HEMK2: variants seen among roughly 807,000 people sequenced by gnomAD.
The protein encoded by HEMK2 is HemK methyltransferase 2, ETF1 glutamine and histone H4 lysine, also known as methyltransferase HEMK2.
the HEMK2 span, among the ~76,000 whole-genome samples, chr21:28,795,366 C>A: frequency 1.3e-5 from 2 of 152,156 alleles, no homozygotes; most frequent in African/African-American, 4.8e-5. Flanking sequence ...TACTTCCTGG[C>A]TGATGCCAAA....
At chr21:28,703,478 T>C in the HEMK2 span, among the ~76,000 whole-genome samples, 1 of 152,164 alleles carries the variant, frequency 6.6e-6, no homozygotes, top group African/African-American at 2.4e-5. Flanking sequence ...GGCACCACAT[T>C]GGAAGTCTTG....
At chr21:28,615,981 T>C in the HEMK2 span, among the ~76,000 whole-genome samples, 3 of 152,124 alleles carry the variant, frequency 2.0e-5, no homozygotes, top group Non-Finnish European at 4.4e-5. Context: ...AAAATAATCA[T>C]AACTAATATT....
At chr21:28,717,157 C>T in the HEMK2 span, among the ~76,000 whole-genome samples, 1 of 152,084 alleles carries the variant, frequency 6.6e-6, no homozygotes, top group Admixed American at 6.5e-5. Flanking sequence ...GTCCCTCCTC[C>T]TTGATTTTTT....
the HEMK2 span, among the ~76,000 whole-genome samples, chr21:28,714,292 G>A: frequency 6.6e-6 from 1 of 151,994 alleles, no homozygotes; most frequent in African/African-American, 2.4e-5. Context: ...TGTCATTCTA[G>A]ATATATTATT....
chr21:28,771,193 T>C, the HEMK2 span, among the ~76,000 whole-genome samples: 1 of 152,198 alleles, frequency 6.6e-6, no homozygotes, highest in Non-Finnish European at 1.5e-5. Context: ...AAGGTTTGAA[T>C]CCCAGTTTGA....
chr21:28,807,304 G>A, the HEMK2 span, among the ~76,000 whole-genome samples: 2 of 152,068 alleles, frequency 1.3e-5, no homozygotes, highest in South Asian at 2.1e-4. Context: ...AGAAAAACCC[G>A]GGAGTCATCC....
At chr21:28,863,283 C>A in the HEMK2 span, among the ~76,000 whole-genome samples, 2 of 151,312 alleles carry the variant, frequency 1.3e-5, no homozygotes, top group African/African-American at 4.9e-5. Context: ...ATGCTTCCTG[C>A]CCGTGAACGC....
the HEMK2 span, among the ~76,000 whole-genome samples, chr21:28,840,875 T>C: frequency 6.7e-6 from 1 of 148,570 alleles, no homozygotes. Context: ...AAGAAGTCAT[T>C]ATTCAAAAAA....
the HEMK2 span, among the ~76,000 whole-genome samples, chr21:28,613,426 A>C: frequency 3.3e-5 from 5 of 151,992 alleles, no homozygotes; most frequent in Non-Finnish European, 7.4e-5. Flanking sequence ...GAAACTTTTC[A>C]AAGTTCAAAG....
chr21:28,838,981 A>G, the HEMK2 span, among the ~76,000 whole-genome samples: 2 of 53,472 alleles, frequency 3.7e-5, no homozygotes, highest in Admixed American at 4.3e-4. Flanking sequence ...AAATATATAT[A>G]TATATATATA....
the HEMK2 span, among the ~76,000 whole-genome samples, chr21:28,770,814 G>T: frequency 2.0e-5 from 3 of 151,970 alleles, no homozygotes; most frequent in Non-Finnish European, 2.9e-5. Context: ...TAAATTGCTT[G>T]GTCTGTGGTA....
At chr21:28,625,852 C>T in the HEMK2 span, among the ~76,000 whole-genome samples, 21 of 151,908 alleles carry the variant, frequency 1.4e-4, no homozygotes, top group African/African-American at 4.8e-4. Flanking sequence ...ATGAAGATCA[C>T]CAGAAATGTA....
the HEMK2 span, among the ~76,000 whole-genome samples, chr21:28,845,793 TCTTTA>T: frequency 2.0e-5 from 3 of 152,154 alleles, no homozygotes. Context: ...CTCTTTTTTT[TCTTTA>T]AAGTTTTTAT....
At chr21:28,624,520 G>A in the HEMK2 span, among the ~76,000 whole-genome samples, 2 of 152,334 alleles carry the variant, frequency 1.3e-5, no homozygotes, top group Non-Finnish European at 2.9e-5. Flanking sequence ...TCAGAAGAGG[G>A]TGGCAGCAGT....
the HEMK2 span, among the ~76,000 whole-genome samples, chr21:28,782,711 G>C: frequency 6.6e-6 from 1 of 152,204 alleles, no homozygotes. Flanking sequence ...TTGCTAATGA[G>C]TATGGGGTTT....
At chr21:28,850,217 CTTTTTTTTTTTTT>C in the HEMK2 span, among the ~76,000 whole-genome samples, 2 of 94,430 alleles carry the variant, frequency 2.1e-5, no homozygotes, top group Admixed American at 1.4e-4. Flanking sequence ...ATTCAGCATT[CTTTTTTTTTTTTT>C]TTTTTTTTTT....
At chr21:28,788,853 T>C in the HEMK2 span, among the ~76,000 whole-genome samples, 2 of 152,084 alleles carry the variant, frequency 1.3e-5, no homozygotes, top group African/African-American at 4.8e-5. Context: ...GGTAGGGCCC[T>C]AATATAATGA....
chr21:28,770,161 T>C, the HEMK2 span, among the ~76,000 whole-genome samples: 17 of 152,162 alleles, frequency 1.1e-4, no homozygotes, highest in Admixed American at 1.1e-3. Flanking sequence ...TCACAAAAGA[T>C]TTCACAAGGA....
chr21:28,709,304 T>C, the HEMK2 span, among the ~76,000 whole-genome samples: 16 of 152,218 alleles, frequency 1.1e-4, no homozygotes, highest in African/African-American at 3.4e-4. Context: ...GAGGCAAATT[T>C]AGAGTTGTTT....
Sources: gnomAD v4.1 joint callset for allele counts (sites outside exome capture counted in the v4.1 genomes callset) on GRCh38, gnomAD v4.1.1 for gene constraint, MANE v1.5 for transcripts, NCBI Gene and HGNC (gene_info 2026-07-23, HGNC 2026-07-21) for gene names.